KIF1B: variants seen among roughly 807,000 people sequenced by gnomAD.
KIF1B encodes kinesin-like protein KIF1B.
A neutral mutation model predicts 241.9 loss-of-function variants in KIF1B; 76 were observed. The ratio of observed to expected loss-of-function variants is 0.31; its 90% CI spans 0.26 to 0.38. The LOEUF (loss-of-function observed/expected upper bound fraction) is 0.38. Ranked by LOEUF, KIF1B falls within the 10% of genes least tolerant of loss-of-function variation. The pLI, the probability that KIF1B is intolerant of heterozygous loss-of-function variation, is 1.00. For synonymous variants in KIF1B, 750 were observed against 796.7 expected, an observed-to-expected ratio of 0.94 and a Z score of 0.99; for missense variants, 1,622 against 2,271.4, an observed-to-expected ratio of 0.71 and a Z score of 5.81.
chr1:10,313,223 G>A (rs115904986), intron 22 of KIF1B, among the ~76,000 whole-genome samples: 2,861 of 151,140 alleles, frequency 0.019, 48 homozygotes, highest in Non-Finnish European at 0.028. Flanking sequence ...ACGCCACCAC[G>A]CCCTACTTAT....
intron 23 of KIF1B, among the ~76,000 whole-genome samples, chr1:10,320,790 A>G (rs1651491043): frequency 7.1e-6 from 1 of 140,560 alleles, no homozygotes; most frequent in Non-Finnish European, 1.5e-5. Flanking sequence ...GCAATGGTGC[A>G]GTCTTAGCTC....
intron 12 of KIF1B, 109 bp downstream of exon 12, chr1:10,276,508 T>A: frequency 1.3e-6 from 1 of 769,812 alleles, no homozygotes; most frequent in Non-Finnish European, 2.3e-6. Flanking sequence ...ATGTAAATAA[T>A]GTTCCTTTCC....
At chr1:10,255,699 A>G (rs957057682) in intron 2 of KIF1B, among the ~76,000 whole-genome samples, 1 of 152,222 alleles carries the variant, frequency 6.6e-6, no homozygotes, top group South Asian at 2.1e-4. Flanking sequence ...ACTTTATACC[A>G]GGGTCTGTTC....
rs1652227296 is a variant in KIF1B, at chr1:10,337,587, TC to T, written c.3422+55del. On this transcript the variant is annotated intron_variant, in intron 31 of 48. Coordinates refer to ENST00000676179, the MANE Select transcript of KIF1B (RefSeq NM_001365951.3). The surrounding 1 kb of genome is among the most constrained non-coding windows in gnomAD (Gnocchi z 4.0). ...GCTAGCTGCTAACCGAGGTGACATC[TC>T]TTGTGCACTGTAGAGTGCTTTACAT... 6.3e-7 allele frequency: 1 copy of T among 1,589,758 alleles called. No individual in the cohort carries two copies. Among genetic ancestry groups the T allele is most frequent in the Non-Finnish European group, 8.6e-7 (1 of 1,158,046 alleles).
At chr1:10,318,906 C>T (rs1401682184) in intron 22 of KIF1B, among the ~76,000 whole-genome samples, 1 of 152,020 alleles carries the variant, frequency 6.6e-6, no homozygotes, top group Admixed American at 6.5e-5. Context: ...CTCTGCCCAC[C>T]ATGAGAGTTT....
chr1:10,259,627 C>T (rs1212134209), intron 4 of KIF1B, among the ~76,000 whole-genome samples: 1 of 151,900 alleles, frequency 6.6e-6, no homozygotes, highest in African/African-American at 2.4e-5. Flanking sequence ...CTCAGCCTCC[C>T]AAGTAGCTGG....
chr1:10,359,528 G>T (rs1446229668), intron 38 of KIF1B, among the ~76,000 whole-genome samples: 1 of 151,920 alleles, frequency 6.6e-6, no homozygotes. Context: ...TGTTTTACCA[G>T]TAGAAAAAAA....
At chr1:10,284,984 T>C (rs1373173538) in intron 15 of KIF1B, among the ~76,000 whole-genome samples, 1 of 152,208 alleles carries the variant, frequency 6.6e-6, no homozygotes, top group East Asian at 1.9e-4. Flanking sequence ...TTCCATTAAA[T>C]GTTGTAGGCT....
chr1:10,247,954 G>T (rs997565158), intron 2 of KIF1B, among the ~76,000 whole-genome samples: 1 of 152,110 alleles, frequency 6.6e-6, no homozygotes, highest in Non-Finnish European at 1.5e-5. Flanking sequence ...TTCACAATAG[G>T]ATTCATGCTG....
Position 10,337,554 on chromosome 1 carries a change from G to C in KIF1B, c.3422+21G>C, listed in dbSNP as rs759754856. ...TTCAAGTAAGCTGCCCCTTTGCTCT[G>C]CCTCCCAGCTAGCTGCTAACCGAGG... On this transcript the variant is annotated intron_variant, in intron 31 of 48. Transcript: ENST00000676179. The surrounding 1 kb of genome is among the most constrained non-coding windows in gnomAD (Gnocchi z 4.0). 6.8e-6 allele frequency: 11 copies of C among 1,614,054 alleles called. No homozygotes were observed. The South Asian group carries it at 1.2e-4, about 18-fold the overall frequency.
intron 12 of KIF1B, 35 bp from the exon 13 acceptor site, chr1:10,277,951 G>T: frequency 6.3e-7 from 1 of 1,599,134 alleles, no homozygotes; most frequent in Non-Finnish European, 8.6e-7. Flanking sequence ...GAACATATGA[G>T]AAATGACAAG....
chr1:10,376,322 G>A (rs542430170), intron 48 of KIF1B, among the ~76,000 whole-genome samples: 39 of 152,120 alleles, frequency 2.6e-4, no homozygotes, highest in Non-Finnish European at 4.6e-4. Context: ...AGTAAAGGGA[G>A]GACAGTGAGA....
chr1:10,356,093 C>A (rs1471243988), intron 38 of KIF1B, among the ~76,000 whole-genome samples: 2 of 152,146 alleles, frequency 1.3e-5, no homozygotes, highest in African/African-American at 4.8e-5. Context: ...ACGGGCTGGG[C>A]TCAGTGGCTC....
chr1:10,358,028 A>G (rs1013986159), intron 38 of KIF1B, among the ~76,000 whole-genome samples: 8 of 151,500 alleles, frequency 5.3e-5, no homozygotes, highest in African/African-American at 1.9e-4. Context: ...AAATAAATAA[A>G]ATATATATTT....
At chr1:10,275,655 T>C (rs1447129557) in intron 11 of KIF1B, 152 bp downstream of exon 11, 1 of 691,112 alleles carries the variant, frequency 1.4e-6, no homozygotes, top group Non-Finnish European at 2.6e-6. Context: ...TTACTCCTAA[T>C]TTCAGTTGGT....
At position 10,290,995 on chromosome 1, in the gene KIF1B, AG is replaced by A; in HGVS notation, c.1435-84del. On this transcript the variant is annotated intron_variant, in intron 15 of 48. Coordinates refer to ENST00000676179, the MANE Select transcript of KIF1B (RefSeq NM_001365951.3). ...ATTTAATTCTGGCCTGTATCCTCAAAGGGCATGATTTGCTTCTTGCTTTTCT... is the reference window on the plus strand; with the variant it reads ...ATTTAATTCTGGCCTGTATCCTCAAAGGCATGATTTGCTTCTTGCTTTTCT... The A allele has an allele frequency of 7.1e-6, 7 of 983,210 alleles. No individual in the cohort carries two copies. In the South Asian group the frequency reaches 9.2e-5, roughly 13 times the overall value. The allele number at this position is 983,210 out of a possible 1,614,324, so 60.9% of individuals were successfully genotyped here. A position where few individuals can be genotyped will look rare whatever the true frequency, so the allele number is the denominator to read the frequency against.
intron 25 of KIF1B, among the ~76,000 whole-genome samples, chr1:10,324,377 C>T (rs1367861098): frequency 6.6e-6 from 1 of 152,064 alleles, no homozygotes; most frequent in Non-Finnish European, 1.5e-5. Flanking sequence ...CTATCCTGGA[C>T]CTCAGGATAA....
intron 15 of KIF1B, among the ~76,000 whole-genome samples, chr1:10,287,076 G>C (rs1649749829): frequency 6.6e-6 from 1 of 152,210 alleles, no homozygotes. Context: ...ACTCAGGCTT[G>C]AACAGAATAT....
intron 4 of KIF1B, among the ~76,000 whole-genome samples, chr1:10,259,139 C>CGA (rs919187016): frequency 2.7e-5 from 4 of 146,876 alleles, no homozygotes; most frequent in Non-Finnish European, 6.0e-5. Flanking sequence ...TTCAAACACT[C>CGA]TGAGATTCTC....
Sources: gnomAD v4.1 joint callset for allele counts (sites outside exome capture counted in the v4.1 genomes callset) on GRCh38, gnomAD v4.1.1 for gene constraint, Gnocchi (gnomAD v3.1) non-coding constraint, MANE v1.5 for transcripts, NCBI Gene and HGNC (gene_info 2026-07-23, HGNC 2026-07-21) for gene names.